Variants in XIRP2 observed in about 807,000 individuals in gnomAD.
The protein encoded by XIRP2 is xin actin-binding repeat-containing protein 2.
In XIRP2, 236 loss-of-function variants were observed where a neutral mutation model predicts 277.0. The observed-to-expected ratio is 0.85, with a 90% confidence interval of 0.77 to 0.95. XIRP2 has a LOEUF of 0.95. XIRP2 is among the 40% of genes least tolerant of loss of function. XIRP2 has a pLI of 0.00. For synonymous variants in XIRP2, 1,490 were observed against 1,416.5 expected, an observed-to-expected ratio of 1.05 and a Z score of -1.17; for missense variants, 4,640 against 4,157.5, an observed-to-expected ratio of 1.12 and a Z score of -3.19.
chr2:166,928,532 CAGG>C (rs1685247503), intron 2 of XIRP2, among the ~76,000 whole-genome samples: 1 of 152,100 alleles, frequency 6.6e-6, no homozygotes. Flanking sequence ...TGATGTATTC[CAGG>C]AGATTATATT....
intron 3 of XIRP2, among the ~76,000 whole-genome samples, chr2:167,178,955 C>T (rs1692932618): frequency 6.6e-6 from 1 of 152,098 alleles, no homozygotes; most frequent in East Asian, 1.9e-4. Context: ...AATAAATCAT[C>T]AATCTCCAAA....
chr2:166,966,222 G>T (rs1394287477), intron 2 of XIRP2, among the ~76,000 whole-genome samples: 3 of 151,616 alleles, frequency 2.0e-5, no homozygotes, highest in African/African-American at 7.3e-5. Context: ...AACTTAATTT[G>T]CATTCTCAAT....
chr2:167,051,584 T>A (rs1688915457), intron 2 of XIRP2, among the ~76,000 whole-genome samples: 1 of 152,110 alleles, frequency 6.6e-6, no homozygotes. Context: ...TCACTCAATG[T>A]TTTTGAAATT....
At chr2:166,948,721 C>A (rs968959073) in intron 2 of XIRP2, among the ~76,000 whole-genome samples, 2 of 151,922 alleles carry the variant, frequency 1.3e-5, no homozygotes, top group African/African-American at 4.8e-5. Flanking sequence ...TTCTAATCTT[C>A]CAATAGAAAG....
At chr2:167,180,251 A>C (rs1692976022) in intron 3 of XIRP2, among the ~76,000 whole-genome samples, 1 of 151,836 alleles carries the variant, frequency 6.6e-6, no homozygotes, top group Admixed American at 6.6e-5. Flanking sequence ...CACCTCAAAA[A>C]CTTTTTCTTT....
At chr2:166,913,008 G>C (rs1415539891) in intron 2 of XIRP2, among the ~76,000 whole-genome samples, 1 of 152,178 alleles carries the variant, frequency 6.6e-6, no homozygotes, top group Non-Finnish European at 1.5e-5. Flanking sequence ...GTGTCAATCT[G>C]CCCCTACTGG....
At chr2:166,905,341 A>T (rs1465865611) in intron 2 of XIRP2, among the ~76,000 whole-genome samples, 8 of 151,962 alleles carry the variant, frequency 5.3e-5, no homozygotes, top group Non-Finnish European at 7.4e-5. Flanking sequence ...AGGTAGAAAA[A>T]GTCGTCTATA....
chr2:167,243,441 C>T lies in XIRP2; in HGVS notation c.2049C>T (p.Asp683=), dbSNP rs182527642. The change falls in exon 9 of 11, where the codon GAC becomes GAT. Residue 683 remains aspartate (D), a synonymous_variant. Transcript: ENST00000409195. ...AATCAGCGGTAACTATCAGTAAGGA[C>T]ATAACTGGGGGGGATGTCAAGACTG... ...QEESAVTISK[D]ITGGDVKTVR... is the part of the protein sequence containing the mutation. 374 of 1,613,918 alleles carry T rather than the reference C, an allele frequency of 2.3e-4. 1 individual carries two copies. The African/African-American group carries it at 2.9e-3, about 12-fold the overall frequency.
chr2:166,914,075 G>A (rs527683757), intron 2 of XIRP2, among the ~76,000 whole-genome samples: 2 of 152,218 alleles, frequency 1.3e-5, no homozygotes, highest in African/African-American at 4.8e-5. Flanking sequence ...AGATTTTCAT[G>A]AATTATCCCA....
intron 2 of XIRP2, among the ~76,000 whole-genome samples, chr2:166,976,470 G>T (rs1686720653): frequency 6.6e-6 from 1 of 151,936 alleles, no homozygotes. Flanking sequence ...TTTAGCTGTT[G>T]TTCTTTTTAA....
intron 2 of XIRP2, among the ~76,000 whole-genome samples, chr2:166,906,039 C>A (rs1684509312): frequency 6.6e-6 from 1 of 151,852 alleles, no homozygotes; most frequent in African/African-American, 2.4e-5. Flanking sequence ...CTAAAAAATT[C>A]TGGCTACTCT....
intron 2 of XIRP2, among the ~76,000 whole-genome samples, chr2:167,060,742 C>G (rs911555974): frequency 3.3e-5 from 5 of 152,026 alleles, no homozygotes; most frequent in Non-Finnish European, 5.9e-5. Flanking sequence ...TATCTCCATG[C>G]CAATATAATA....
At chr2:167,137,484 T>C (rs1414564839) in intron 3 of XIRP2, among the ~76,000 whole-genome samples, 1 of 152,134 alleles carries the variant, frequency 6.6e-6, no homozygotes, top group African/African-American at 2.4e-5. Flanking sequence ...GTGGAGAGCT[T>C]AGCATAGGGA....
At chr2:166,977,087 G>T (rs1686735066) in intron 2 of XIRP2, among the ~76,000 whole-genome samples, 2 of 152,086 alleles carry the variant, frequency 1.3e-5, no homozygotes, top group African/African-American at 4.8e-5. Context: ...TTTCCTGAAA[G>T]CAATGTGTGT....
chr2:166,900,453 T>C (rs1653712286), intron 1 of XIRP2, among the ~76,000 whole-genome samples: 1 of 152,068 alleles, frequency 6.6e-6, no homozygotes, highest in South Asian at 2.1e-4. Context: ...GTGAGATAAT[T>C]GCAACACCTG....
intron 3 of XIRP2, among the ~76,000 whole-genome samples, chr2:167,179,943 G>C (rs768421204): frequency 4.6e-5 from 7 of 152,104 alleles, no homozygotes; most frequent in Non-Finnish European, 8.8e-5. Flanking sequence ...CACTGCACCT[G>C]ATCAGAAATT....
chr2:167,110,115 C>G (rs1031616697), intron 2 of XIRP2, among the ~76,000 whole-genome samples: 1 of 152,040 alleles, frequency 6.6e-6, no homozygotes, highest in African/African-American at 2.4e-5. Context: ...TTCTCCTATT[C>G]CGTAAGTTGT....
At chr2:166,923,121 C>T (rs1024878897) in intron 2 of XIRP2, among the ~76,000 whole-genome samples, 1 of 151,966 alleles carries the variant, frequency 6.6e-6, no homozygotes, top group African/African-American at 2.4e-5. Flanking sequence ...TCTTGTGATG[C>T]TATTGATAAT....
chr2:167,197,233 A>G (rs1450024822), intron 3 of XIRP2, among the ~76,000 whole-genome samples: 3 of 152,208 alleles, frequency 2.0e-5, no homozygotes, highest in Non-Finnish European at 2.9e-5. Context: ...CAACTTTCAC[A>G]TAACTTCTCA....
Sources: allele counts gnomAD v4.1 joint callset (sites outside exome capture counted in the v4.1 genomes callset), GRCh38; gene constraint gnomAD v4.1.1; transcripts MANE v1.5; gene names NCBI Gene and HGNC (gene_info 2026-07-23, HGNC 2026-07-21).